Variants in KANK1 observed in about 807,000 individuals in gnomAD.
KANK1 encodes KN motif and ankyrin repeat domain-containing protein 1.
A neutral mutation model predicts 106.2 loss-of-function variants in KANK1; 109 were observed. The observed-to-expected ratio is 1.03, with a 90% CI of 0.88 to 1.20. The LOEUF (loss-of-function observed/expected upper bound fraction) is 1.20, where lower values mean the gene tolerates loss of function less well. Among genes scored for constraint, KANK1 ranks in the 50% most tolerant of loss-of-function variants. The probability of loss-of-function intolerance (pLI) is 0.00; values close to 1 mark genes in which losing one functional copy is unlikely to be tolerated. For missense variants in KANK1, 2,399 were observed against 1,710.7 expected, an observed-to-expected ratio of 1.40 and a Z score of -7.10; for synonymous variants, 873 against 652.2, an observed-to-expected ratio of 1.34 and a Z score of -5.16.
intron 7 of KANK1, chr9:735,907 A>AT (rs1833673955): frequency 4.2e-6 from 1 of 239,614 alleles, no homozygotes; most frequent in Non-Finnish European, 9.2e-6. Flanking sequence ...AGGCTGGAGA[A>AT]TTGCTTGCAC....
At chr9:578,981 G>A (rs548703169) in intron 1 of KANK1, among the ~76,000 whole-genome samples, 2 of 152,322 alleles carry the variant, frequency 1.3e-5, no homozygotes, top group South Asian at 4.1e-4. Flanking sequence ...ATAAATGTCT[G>A]CAGCTGAAAA....
At chr9:693,634 C>T (rs1227001726) in intron 2 of KANK1, 2 of 985,398 alleles carry the variant, frequency 2.0e-6, no homozygotes, top group African/African-American at 1.7e-5. Context: ...GTTAGTTCGT[C>T]AGGAAATTCC....
At chr9:489,404 A>G (rs148480072) in intron 3 of KANK1, among the ~76,000 whole-genome samples, 1 of 152,294 alleles carries the variant, frequency 6.6e-6, no homozygotes, top group African/African-American at 2.4e-5. Context: ...ATCCAGCCAA[A>G]TTTGAATTTC....
chr9:562,071 A>G (rs1587832980), intron 1 of KANK1, among the ~76,000 whole-genome samples: 1 of 102,768 alleles, frequency 9.7e-6, no homozygotes, highest in Non-Finnish European at 1.8e-5. Flanking sequence ...TTTGAGACGG[A>G]GTCTCGCTCT....
At chr9:470,364 A>C (rs974879495) in exon 1 of KANK1, 43 of 152,640 alleles carry the variant, frequency 2.8e-4, no homozygotes, top group African/African-American at 1.0e-3. Flanking sequence ...GGAAATTAGC[A>C]AAGTGAGAGG....
At chr9:715,778 C>T (rs1358884954) in intron 3 of KANK1, among the ~76,000 whole-genome samples, 2 of 152,202 alleles carry the variant, frequency 1.3e-5, no homozygotes, top group Non-Finnish European at 2.9e-5. Flanking sequence ...TTTGTGTTTT[C>T]ACCATTTTGT....
intron 1 of KANK1, among the ~76,000 whole-genome samples, chr9:545,775 C>A (rs375170084): frequency 1.5e-5 from 2 of 132,394 alleles, no homozygotes; most frequent in East Asian, 4.7e-4. Context: ...TGTAGTCTCG[C>A]TGCTCTGTCG....
chr9:668,490 T>A (rs1373368272), intron 1 of KANK1, among the ~76,000 whole-genome samples: 1 of 152,166 alleles, frequency 6.6e-6, no homozygotes, highest in Non-Finnish European at 1.5e-5. Context: ...TCTGATAAAT[T>A]TCTGAATGGA....
chr9:595,746 T>C (rs1826055211), intron 1 of KANK1, among the ~76,000 whole-genome samples: 1 of 151,732 alleles, frequency 6.6e-6, no homozygotes, highest in African/African-American at 2.4e-5. Context: ...GGTCTCAAAC[T>C]CCTGGACTCA....
At chr9:578,399 A>G (rs1012622866) in intron 1 of KANK1, among the ~76,000 whole-genome samples, 2 of 152,010 alleles carry the variant, frequency 1.3e-5, no homozygotes, top group Non-Finnish European at 2.9e-5. Flanking sequence ...TATATTAGCA[A>G]CATTGTTGAC....
chr9:650,488 G>C (rs1840646980), intron 1 of KANK1, among the ~76,000 whole-genome samples: 1 of 152,300 alleles, frequency 6.6e-6, no homozygotes, highest in African/African-American at 2.4e-5. Flanking sequence ...GGGGGCCTAA[G>C]ATTCTGCATT....
intron 1 of KANK1, among the ~76,000 whole-genome samples, chr9:543,881 T>C (rs535683789): frequency 2.4e-4 from 37 of 152,206 alleles, no homozygotes; most frequent in Non-Finnish European, 4.1e-4. Context: ...GGCTTCTCTA[T>C]TAGGAGGCTC....
intron 1 of KANK1, among the ~76,000 whole-genome samples, chr9:538,284 A>T (rs1315295765): frequency 6.6e-6 from 1 of 152,204 alleles, no homozygotes; most frequent in Non-Finnish European, 1.5e-5. Context: ...ATGCCTTCTC[A>T]GGCAGCTGAG....
At chr9:547,378 A>G (rs1323820369) in intron 1 of KANK1, 1 of 152,240 alleles carries the variant, frequency 6.6e-6, no homozygotes. Context: ...TTCTGTTTTC[A>G]GAAATATTTT....
At chr9:665,989 G>A (rs899383551) in intron 1 of KANK1, among the ~76,000 whole-genome samples, 3 of 151,986 alleles carry the variant, frequency 2.0e-5, no homozygotes, top group Non-Finnish European at 2.9e-5. Context: ...AGGCCAGCCT[G>A]GGCAGCATAG....
At chr9:704,327 A>T (rs1302501340) in intron 2 of KANK1, among the ~76,000 whole-genome samples, 1 of 152,230 alleles carries the variant, frequency 6.6e-6, no homozygotes, top group African/African-American at 2.4e-5. Context: ...AGTTCCTTCT[A>T]GTACATCGTT....
At chr9:652,078 T>G (rs73639391) in intron 1 of KANK1, among the ~76,000 whole-genome samples, 4,449 of 152,264 alleles carry the variant, frequency 0.029, 210 homozygotes, top group African/African-American at 0.099. Flanking sequence ...CAACCTGACA[T>G]TATCCATTAG....
chr9:533,868 C>A (rs1338305652), intron 1 of KANK1, among the ~76,000 whole-genome samples: 1 of 152,206 alleles, frequency 6.6e-6, no homozygotes, highest in African/African-American at 2.4e-5. Flanking sequence ...CATGCCTCCC[C>A]TTTTCCATGT....
chr9:576,226 C>T (rs904623182), intron 1 of KANK1, among the ~76,000 whole-genome samples: 1 of 152,130 alleles, frequency 6.6e-6, no homozygotes, highest in African/African-American at 2.4e-5. Context: ...AGTTTCAGTA[C>T]CACTAGCTTC....
Sources: gnomAD v4.1 joint callset for allele counts (sites outside exome capture counted in the v4.1 genomes callset) on GRCh38, gnomAD v4.1.1 for gene constraint, MANE v1.5 for transcripts, NCBI Gene and HGNC (gene_info 2026-07-23, HGNC 2026-07-21) for gene names.